The following DENND4A variants were observed in gnomAD, a reference collection of about 807,000 sequenced individuals.
DENND4A encodes C-myc promoter-binding protein.
Under a neutral mutation model 199.3 loss-of-function variants are expected in DENND4A, and 70 were observed. The ratio of observed to expected loss-of-function variants is 0.35; its 90% CI spans 0.29 to 0.43. DENND4A has a LOEUF of 0.43. DENND4A is among the 20% of genes least tolerant of loss of function. DENND4A has a pLI of 1.00. For missense variants in DENND4A, 1,723 were observed against 2,255.8 expected (o/e 0.76, Z 4.78); for synonymous variants, 686 against 766.9 (o/e 0.89, Z 1.74).
Position 65,774,431 on chromosome 15 carries a change from G to A in DENND4A, c.-101-12993C>T, listed in dbSNP as rs537482017. ...CTTGAACCCAGGAGGTGGAGGTTGC[G>A]GTGAGCCCAGATTGAGCCACTGCAC... On this transcript the variant is annotated intron_variant, in intron 1 of 32. Coordinates refer to ENST00000443035, the MANE Select transcript of DENND4A (RefSeq NM_001320835.1). 6.4e-4 allele frequency among the ~76,000 whole-genome samples: 98 copies of A among 152,198 alleles called. 1 individual carries two copies. The highest frequency in any genetic ancestry group is 2.2e-3 in the African/African-American group (90 of 41,516).
At chr15:65,717,747 C>T in intron 13 of DENND4A, 31 bp downstream of exon 13, 1 of 1,526,700 alleles carries the variant, frequency 6.6e-7, no homozygotes, top group African/African-American at 1.4e-5. Context: ...GCTCAATAAC[C>T]TGAAAGCTTT....
At chr15:65,739,119 A>T (rs2076184594) in intron 5 of DENND4A, among the ~76,000 whole-genome samples, 1 of 152,222 alleles carries the variant, frequency 6.6e-6, no homozygotes, top group Non-Finnish European at 1.5e-5. Context: ...GTTAAAGCTA[A>T]CAAGAAAAAG....
At chr15:65,783,928 T>G in intron 1 of DENND4A, among the ~76,000 whole-genome samples, 1 of 152,098 alleles carries the variant, frequency 6.6e-6, no homozygotes. Flanking sequence ...GGTCTACAAT[T>G]AATGACTTGT....
chr15:65,681,469 C>T (rs78127596), intron 23 of DENND4A, among the ~76,000 whole-genome samples: 5,499 of 152,082 alleles, frequency 0.036, 347 homozygotes, highest in African/African-American at 0.13. Flanking sequence ...AAAGTAAAAG[C>T]GACTCCTTGA....
intron 1 of DENND4A, among the ~76,000 whole-genome samples, chr15:65,769,610 G>GAGGT (rs2077076497): frequency 6.6e-6 from 1 of 152,122 alleles, no homozygotes; most frequent in South Asian, 2.1e-4. Context: ...ATCACTTAAT[G>GAGGT]AGGTACTCGT....
At chr15:65,724,381 G>GT (rs35006844) in intron 11 of DENND4A, among the ~76,000 whole-genome samples, 2,154 of 143,316 alleles carry the variant, frequency 0.015, 48 homozygotes, top group African/African-American at 0.048. Context: ...TTTTTGAATC[G>GT]TTTTTTTTTT....
chr15:65,699,538 A>G (rs1567019636), intron 20 of DENND4A, among the ~76,000 whole-genome samples: 1 of 151,008 alleles, frequency 6.6e-6, no homozygotes, highest in Non-Finnish European at 1.5e-5. Context: ...ATACACATAT[A>G]TAAACATACA....
At chr15:65,785,849 T>C (rs936941003) in intron 1 of DENND4A, among the ~76,000 whole-genome samples, 2 of 152,082 alleles carry the variant, frequency 1.3e-5, no homozygotes, top group African/African-American at 2.4e-5. Context: ...TGGTCACTGT[T>C]CAAGAAATCT....
At chr15:65,751,286 G>A (rs987950872) in intron 4 of DENND4A, among the ~76,000 whole-genome samples, 24 of 152,312 alleles carry the variant, frequency 1.6e-4, no homozygotes, top group African/African-American at 3.6e-4. Context: ...TAAAGGTTAA[G>A]TTTACTCCAA....
chr15:65,709,617 C>A (rs1248357201), intron 14 of DENND4A, among the ~76,000 whole-genome samples: 1 of 145,884 alleles, frequency 6.9e-6, no homozygotes, highest in Non-Finnish European at 1.5e-5. Flanking sequence ...CTGCTTGAAC[C>A]CAGGAGACGG....
intron 1 of DENND4A, among the ~76,000 whole-genome samples, chr15:65,782,754 T>TAC (rs1221713476): frequency 6.6e-6 from 1 of 152,194 alleles, no homozygotes; most frequent in East Asian, 1.9e-4. Context: ...ACCACAAGAA[T>TAC]ACAGGTACAT....
chr15:65,676,141 A>AAAAAAAATATATATATAT (rs1362535499), intron 24 of DENND4A, among the ~76,000 whole-genome samples: 1 of 110,466 alleles, frequency 9.1e-6, no homozygotes, highest in African/African-American at 3.0e-5. Context: ...AATAAGGAAA[A>AAAAAAAATATATATATAT]ATATATATAT....
chr15:65,668,240 GCT>G (rs1457085118), intron 27 of DENND4A, 117 bp from the exon 28 acceptor site: 2 of 771,470 alleles, frequency 2.6e-6, no homozygotes, highest in Admixed American at 7.3e-5. Context: ...ACAGAGTCTT[GCT>G]CTGTCACCCA....
At chr15:65,748,050 A>AGG (rs1428737871) in intron 4 of DENND4A, among the ~76,000 whole-genome samples, 3 of 147,674 alleles carry the variant, frequency 2.0e-5, no homozygotes, top group African/African-American at 7.5e-5. Context: ...AAAAAAAAAA[A>AGG]AAAAAAAAAA....
At chr15:65,705,225 G>T (rs138978040) in intron 15 of DENND4A, among the ~76,000 whole-genome samples, 103 of 152,158 alleles carry the variant, frequency 6.8e-4, no homozygotes, top group African/African-American at 2.4e-3. Flanking sequence ...GTAAAAGGAA[G>T]AATTTAATCC....
intron 25 of DENND4A, 36 bp from the exon 26 acceptor site, chr15:65,670,224 G>A: frequency 1.4e-6 from 2 of 1,410,486 alleles, no homozygotes; most frequent in Non-Finnish European, 1.9e-6. Flanking sequence ...AAGAAAGCTG[G>A]TTAATTCAGA....
intron 23 of DENND4A, among the ~76,000 whole-genome samples, chr15:65,682,055 T>C (rs1051940763): frequency 6.6e-6 from 1 of 152,008 alleles, no homozygotes; most frequent in Non-Finnish European, 1.5e-5. Context: ...AGGCAGAGAG[T>C]AGCTTTAGCA....
At chr15:65,784,438 C>A (rs766431380) in intron 1 of DENND4A, among the ~76,000 whole-genome samples, 1 of 148,760 alleles carries the variant, frequency 6.7e-6, no homozygotes, top group Non-Finnish European at 1.5e-5. Context: ...GGCAACATGA[C>A]GAGACCCCCA....
intron 21 of DENND4A, 190 bp from the exon 22 acceptor site, chr15:65,696,687 A>G (rs2077156340): frequency 2.5e-6 from 1 of 392,540 alleles, no homozygotes; most frequent in African/African-American, 2.3e-5. Flanking sequence ...AGTGTAGATC[A>G]AACTACTGAA....
Sources: gnomAD v4.1 joint callset for allele counts (sites outside exome capture counted in the v4.1 genomes callset) on GRCh38, gnomAD v4.1.1 for gene constraint, MANE v1.5 for transcripts, NCBI Gene and HGNC (gene_info 2026-07-23, HGNC 2026-07-21) for gene names.